KDM8: variants seen among roughly 807,000 people sequenced by gnomAD.
The protein encoded by KDM8 is lysine demethylase 8, also known as bifunctional peptidase and arginyl-hydroxylase JMJD5.
Under a neutral mutation model 46.9 loss-of-function variants are expected in KDM8, and 35 were observed. The ratio of observed to expected loss-of-function variants is 0.75; its 90% CI spans 0.57 to 0.99. The LOEUF (loss-of-function observed/expected upper bound fraction) is 0.99. Among genes scored for constraint, KDM8 ranks in the 50% least tolerant of loss-of-function variants. KDM8 has a pLI of 0.00. For synonymous variants in KDM8, 232 were observed against 227.7 expected (o/e 1.02, Z -0.17); for missense variants, 475 against 537.0 (o/e 0.88, Z 1.14).
chr16:27,209,667 T>G (rs1014605967), intron 1 of KDM8, among the ~76,000 whole-genome samples: 1 of 152,178 alleles, frequency 6.6e-6, no homozygotes, highest in Non-Finnish European at 1.5e-5. Flanking sequence ...TAGACACACG[T>G]GTAAGCAGGT....
chr16:27,220,886 C>A lies in KDM8; in HGVS notation c.*156C>A. 1 of 869,048 alleles carries A rather than the reference C, an allele frequency of 1.2e-6. No individual in the cohort carries two copies. The highest frequency in any genetic ancestry group is 1.9e-6 in the Non-Finnish European group (1 of 531,462). 53.8% of individuals were successfully genotyped at this position (869,048 alleles called of 1,614,324 possible). ...AGCCCTGGGGGGCTGAGCTCCAGCA[C>A]TGGACAGGCACAGAGCAGGGGCTGC... On this transcript the variant is annotated 3_prime_UTR_variant, in exon 8 of 8. Transcript: ENST00000286096.
chr16:27,204,046 T>C, intron 1 of KDM8: 3 of 1,517,528 alleles, frequency 2.0e-6, no homozygotes, highest in Non-Finnish European at 1.8e-6. Context: ...CCGCTGCCCC[T>C]GGGCCGCAAG....
chr16:27,213,025 T>C (rs1285408683), intron 2 of KDM8, among the ~76,000 whole-genome samples: 1 of 152,026 alleles, frequency 6.6e-6, no homozygotes, highest in Non-Finnish European at 1.5e-5. Context: ...GACACTGAGG[T>C]TCTCAAGCAG....
intron 1 of KDM8, chr16:27,206,128 G>A (rs1394550531): frequency 1.8e-5 from 11 of 596,148 alleles, no homozygotes; most frequent in South Asian, 1.5e-4. Context: ...TAGAGCTCTC[G>A]AAGGCCAGTC....
At chr16:27,211,357 CTGA>C (rs767096647) in intron 2 of KDM8, 1 of 370,782 alleles carries the variant, frequency 2.7e-6, no homozygotes, top group Non-Finnish European at 5.3e-6. Flanking sequence ...CTACAACTAG[CTGA>C]TGTCTGTTTT....
intron 4 of KDM8, 135 bp from the exon 5 acceptor site, chr16:27,215,810 G>T (rs1356838329): frequency 5.6e-6 from 5 of 893,476 alleles, no homozygotes; most frequent in Admixed American, 1.8e-5. Context: ...CTAAGGGTTG[G>T]AGAGGACCAC....
At chr16:27,204,203 GTGTGACTGCCCTA>G (rs2083406024) in intron 1 of KDM8, 2 of 1,466,764 alleles carry the variant, frequency 1.4e-6, no homozygotes, top group Admixed American at 2.9e-5. Context: ...GGGCCTGGGT[GTGTGACTGCCCTA>G]AGGAAAGGTG....
chr16:27,211,166 A>G (rs1185091313), intron 2 of KDM8: 3 of 447,716 alleles, frequency 6.7e-6, no homozygotes, highest in South Asian at 4.7e-5. Context: ...TTCAGCAGAG[A>G]GGCAGCAGAG....
At position 27,213,549 on chromosome 16, in the gene KDM8, G is replaced by A. The variant is rs183645798; in HGVS notation, c.499-36G>A. Reference sequence around the variant, plus strand: ...ATACCTCAAATGTCGACTTCCTGAGGTGGTTGCTATTTTGTTCTGTTTTGA... The same window carrying A: ...ATACCTCAAATGTCGACTTCCTGAGATGGTTGCTATTTTGTTCTGTTTTGA... On this transcript the variant is annotated intron_variant, in intron 2 of 7. Transcript: ENST00000286096. 3.1e-6 allele frequency: 5 copies of A among 1,606,902 alleles called. No individual in the cohort carries two copies. In the East Asian group the frequency reaches 6.7e-5, roughly 22 times the overall value.
At chr16:27,218,029 C>G (rs1407339520) in intron 5 of KDM8, among the ~76,000 whole-genome samples, 2 of 151,948 alleles carry the variant, frequency 1.3e-5, no homozygotes, top group Admixed American at 6.6e-5. Context: ...TAAAGGAGGC[C>G]AGGGCCATGT....
At position 27,214,902 on chromosome 16, in the gene KDM8, G is replaced by A. The variant is rs762924770; in HGVS notation, c.692G>A (p.Gly231Asp). Residue 231 changes from glycine (G) to aspartate (D), a missense_variant, in exon 4 of 8, where the codon GGC (glycine) becomes GAC (aspartate). Transcript: ENST00000286096. ...TTGGAGTATATCCAGGAGATCGCTG[G>A]CTGCCGAACTGTCCCAGTGGAAGTT... ...WSLEYIQEIAGCRTVPVEVGS... is the reference protein window; with the variant it reads ...WSLEYIQEIADCRTVPVEVGS... 1 of 1,614,198 alleles carries A rather than the reference G, an allele frequency of 6.2e-7. No individual in the cohort carries two copies. Among genetic ancestry groups the A allele is most frequent in the Non-Finnish European group, 8.5e-7 (1 of 1,180,032 alleles).
intron 6 of KDM8, among the ~76,000 whole-genome samples, chr16:27,219,313 C>T (rs939375760): frequency 2.6e-5 from 4 of 152,250 alleles, no homozygotes; most frequent in African/African-American, 9.6e-5. Flanking sequence ...GAAGCGGCTC[C>T]TCCTGCATGT....
chr16:27,204,138 AG>A, intron 1 of KDM8: 1 of 1,535,820 alleles, frequency 6.5e-7, no homozygotes. Context: ...TGAGGAGGGA[AG>A]GGGGTCTGAG....
intron 1 of KDM8, chr16:27,206,306 T>A: frequency 1.5e-6 from 1 of 677,242 alleles, no homozygotes; most frequent in Non-Finnish European, 1.8e-6. Context: ...AGACTCTTGC[T>A]CTGTCACCCA....
At chr16:27,220,543 A>G (rs1414393867) in intron 7 of KDM8, 23 bp from the exon 8 acceptor site, 9 of 1,614,152 alleles carry the variant, frequency 5.6e-6, no homozygotes, top group Non-Finnish European at 6.8e-6. Context: ...CCTGGAGATG[A>G]TGACGTCCTT....
chr16:27,215,791 C>T (rs76041356), intron 4 of KDM8, among the ~76,000 whole-genome samples, 154 bp from the exon 5 acceptor site: 3,985 of 152,152 alleles, frequency 0.026, 187 homozygotes, highest in African/African-American at 0.09. Flanking sequence ...TGAAGCTGCC[C>T]CAGGGCCTCT....
rs547837242 is a variant in KDM8 at position 27,212,499 on chromosome 16, T to C, written c.499-1086T>C. Among the ~76,000 whole-genome samples the C allele has an allele frequency of 3.9e-5, 6 of 152,308 alleles. No individual in the cohort carries two copies. The South Asian group carries it at 1.2e-3, about 32-fold the overall frequency. Reference sequence around the variant, plus strand: ...CTATAATCCCAGCACTTTGGGAGGCTGAGGCCGGCAGATCACCTGAGGTCA... The same window carrying C: ...CTATAATCCCAGCACTTTGGGAGGCCGAGGCCGGCAGATCACCTGAGGTCA... On this transcript the variant is annotated intron_variant, in intron 2 of 7. Coordinates refer to ENST00000286096, the MANE Select transcript of KDM8 (RefSeq NM_024773.3).
chr16:27,213,514 T>C, intron 2 of KDM8, 71 bp from the exon 3 acceptor site: 1 of 1,534,282 alleles, frequency 6.5e-7, no homozygotes, highest in Non-Finnish European at 8.9e-7. Context: ...TGACACAGGT[T>C]CCTGGTGGAA....
chr16:27,217,725 G>A (rs560633592), intron 5 of KDM8, among the ~76,000 whole-genome samples: 60 of 152,354 alleles, frequency 3.9e-4, no homozygotes, highest in African/African-American at 1.0e-3. Flanking sequence ...CACTGCTCCC[G>A]AAGGAATGGT....
Sources: allele counts gnomAD v4.1 joint callset (sites outside exome capture counted in the v4.1 genomes callset), GRCh38; gene constraint gnomAD v4.1.1; transcripts MANE v1.5; gene names NCBI Gene and HGNC (gene_info 2026-07-23, HGNC 2026-07-21).